Variants in MCTP2 observed in about 807,000 individuals in gnomAD.
MCTP2 encodes multiple C2 and transmembrane domain containing 2.
Under a neutral mutation model 111.6 loss-of-function variants are expected in MCTP2, and 132 were observed. The ratio of observed to expected loss-of-function variants is 1.18; its 90% CI spans 1.03 to 1.37. MCTP2 has a LOEUF of 1.37. MCTP2 is among the 40% of genes most tolerant of loss of function. MCTP2 has a pLI of 0.00. For synonymous variants in MCTP2, 395 were observed against 387.7 expected, an observed-to-expected ratio of 1.02 and a Z score of -0.22; for missense variants, 1,183 against 1,067.9, an observed-to-expected ratio of 1.11 and a Z score of -1.50.
intron 5 of MCTP2, 127 bp downstream of exon 5, chr15:94,339,559 T>A (rs146059275): frequency 3.2e-6 from 2 of 615,644 alleles, no homozygotes; most frequent in Non-Finnish European, 5.0e-6. Context: ...AATAATAATA[T>A]AGAAAAAATT....
chr15:94,373,132 T>A (rs2079575206), intron 12 of MCTP2, among the ~76,000 whole-genome samples: 1 of 152,166 alleles, frequency 6.6e-6, no homozygotes, highest in Non-Finnish European at 1.5e-5. Flanking sequence ...GTTTCCTAAT[T>A]TTAAAGACGT....
intron 3 of MCTP2, chr15:94,314,679 T>C: frequency 2.0e-6 from 1 of 506,312 alleles, no homozygotes; most frequent in South Asian, 1.6e-5. Context: ...TAATTGAATG[T>C]CCAATAAGTG....
chr15:94,468,639 A>T (rs2073628571), intron 20 of MCTP2, among the ~76,000 whole-genome samples: 1 of 152,028 alleles, frequency 6.6e-6, no homozygotes, highest in African/African-American at 2.4e-5. Flanking sequence ...AATAACACTC[A>T]GTCTTTTGTT....
At chr15:94,451,195 G>A (rs1050307323) in intron 19 of MCTP2, among the ~76,000 whole-genome samples, 2 of 151,990 alleles carry the variant, frequency 1.3e-5, no homozygotes, top group African/African-American at 4.8e-5. Flanking sequence ...GAAAAATGGT[G>A]GGCTTGTACT....
chr15:94,376,552 T>C (rs769675234), intron 12 of MCTP2, among the ~76,000 whole-genome samples: 18 of 152,236 alleles, frequency 1.2e-4, no homozygotes, highest in Non-Finnish European at 2.6e-4. Context: ...GTGCCTGATA[T>C]ATATTTTGTG....
chr15:94,377,973 A>G (rs2079871822), intron 12 of MCTP2, among the ~76,000 whole-genome samples: 1 of 151,958 alleles, frequency 6.6e-6, no homozygotes, highest in Non-Finnish European at 1.5e-5. Context: ...AGCAAAAGAA[A>G]CCTCTCAGGG....
At chr15:94,462,683 CG>C in intron 20 of MCTP2, among the ~76,000 whole-genome samples, 1 of 152,146 alleles carries the variant, frequency 6.6e-6, no homozygotes, top group Non-Finnish European at 1.5e-5. Flanking sequence ...GCAATGAAGA[CG>C]GGATCGTAAC....
At chr15:94,258,997 A>T (rs2073019303) in intron 1 of MCTP2, among the ~76,000 whole-genome samples, 1 of 152,234 alleles carries the variant, frequency 6.6e-6, no homozygotes. Flanking sequence ...TACATTATTC[A>T]GCATACACTA....
At position 94,402,650 on chromosome 15, in the gene MCTP2, C is replaced by T. The variant is rs2081659141; in HGVS notation, c.2085+631C>T. ...GCCCAAGAATCTTGGAAGGACTTCACAGCTGGCCTCATGCCTTCACTTTAT... is the reference window on the plus strand; with the variant it reads ...GCCCAAGAATCTTGGAAGGACTTCATAGCTGGCCTCATGCCTTCACTTTAT... On this transcript the variant is annotated intron_variant, in intron 17 of 22. Transcript: ENST00000357742. 5.2e-6 allele frequency: 8 copies of T among 1,538,164 alleles called. No homozygotes were observed. The East Asian group carries it at 2.0e-4, about 38-fold the overall frequency.
intron 22 of MCTP2, 28 bp downstream of exon 22, chr15:94,476,821 G>A (rs2074405941): frequency 7.6e-7 from 1 of 1,324,244 alleles, no homozygotes; most frequent in South Asian, 1.2e-5. Context: ...ACCACCAACA[G>A]TGGCCCCAAC....
intron 12 of MCTP2, among the ~76,000 whole-genome samples, chr15:94,382,152 T>C (rs377761549): frequency 6.6e-6 from 1 of 152,230 alleles, no homozygotes; most frequent in African/African-American, 2.4e-5. Flanking sequence ...GAATTCATAT[T>C]GGAAGTGAAT....
chr15:94,262,663 T>C (rs1454111294), intron 1 of MCTP2, among the ~76,000 whole-genome samples: 2 of 148,214 alleles, frequency 1.3e-5, no homozygotes, highest in South Asian at 2.1e-4. Flanking sequence ...ATTTCTTTCT[T>C]TTTTTTTTTG....
At chr15:94,267,869 C>CTTTCTTTTTTTTTTTTTTT (rs1555443740) in intron 1 of MCTP2, among the ~76,000 whole-genome samples, 17 of 77,456 alleles carry the variant, frequency 2.2e-4, no homozygotes, top group African/African-American at 6.9e-4. Flanking sequence ...CCTTTTCTTT[C>CTTTCTTTTTTTTTTTTTTT]TTTTTTTTTT....
chr15:94,390,747 T>TGG (rs1159216668), intron 14 of MCTP2, among the ~76,000 whole-genome samples: 4 of 140,922 alleles, frequency 2.8e-5, no homozygotes, highest in African/African-American at 5.4e-5. Flanking sequence ...TTTTTTTTTT[T>TGG]GGGATGGAGT....
chr15:94,441,012 G>A (rs1035761925), intron 18 of MCTP2, among the ~76,000 whole-genome samples: 1 of 151,550 alleles, frequency 6.6e-6, no homozygotes, highest in African/African-American at 2.4e-5. Flanking sequence ...TTTTTTTTAT[G>A]ATGTAATCTA....
At chr15:94,459,149 A>G (rs2085031808) in intron 20 of MCTP2, among the ~76,000 whole-genome samples, 1 of 152,206 alleles carries the variant, frequency 6.6e-6, no homozygotes, top group South Asian at 2.1e-4. Context: ...TCCCCCTTTA[A>G]TCTAGAATTG....
intron 2 of MCTP2, among the ~76,000 whole-genome samples, chr15:94,299,435 G>A (rs910486335): frequency 1.3e-5 from 2 of 152,038 alleles, no homozygotes; most frequent in Non-Finnish European, 2.9e-5. Flanking sequence ...ACTGCCTTAG[G>A]ATTTGAACTT....
chr15:94,295,732 T>C (rs2075244310), intron 1 of MCTP2, among the ~76,000 whole-genome samples: 1 of 152,138 alleles, frequency 6.6e-6, no homozygotes, highest in East Asian at 1.9e-4. Context: ...CATCAAAATG[T>C]TTCTTCTGTC....
rs1221677939 is a variant in MCTP2, at chr15:94,440,212, A to G, written c.2122A>G (p.Met708Val). The G allele has an allele frequency of 5.0e-6, 8 of 1,613,952 alleles. No homozygotes were observed. The highest frequency in any genetic ancestry group is 6.8e-6 in the Non-Finnish European group (8 of 1,179,938). ...CACTGTCTGGAATTTTGAACTATAT[A>G]TGATCCCCTTGGCATTGTTGCTGAT... Reference protein sequence around the residue: ...LITVWNFELYMIPLALLLIFV... With the variant: ...LITVWNFELYVIPLALLLIFV... The change falls in exon 18 of 23, where the codon ATG becomes GTG. Residue 708 changes from methionine (M) to valine (V), a missense_variant. Physicochemically the swap from Met to Val is conservative, Grantham distance 21. Transcript: ENST00000357742.
Sources: allele counts gnomAD v4.1 joint callset (sites outside exome capture counted in the v4.1 genomes callset), GRCh38; gene constraint gnomAD v4.1.1; transcripts MANE v1.5; gene names NCBI Gene and HGNC (gene_info 2026-07-23, HGNC 2026-07-21).